NAT10: variants seen among roughly 807,000 people sequenced by gnomAD.
The protein encoded by NAT10 is RNA cytidine acetyltransferase.
A neutral mutation model predicts 132.2 loss-of-function variants in NAT10; 109 were observed. The ratio of observed to expected loss-of-function variants is 0.82; its 90% CI spans 0.71 to 0.97. The LOEUF is 0.97. Among genes scored for constraint, NAT10 ranks in the 50% least tolerant of loss-of-function variants. The pLI, the probability that NAT10 is intolerant of heterozygous loss-of-function variation, is 0.00. For synonymous variants in NAT10, 479 were observed against 478.0 expected, an observed-to-expected ratio of 1.00 and a Z score of -0.03; for missense variants, 1,184 against 1,263.4, an observed-to-expected ratio of 0.94 and a Z score of 0.95.
At chr11:34,110,763 C>G (rs1851681184) in intron 3 of NAT10, among the ~76,000 whole-genome samples, 2 of 151,854 alleles carry the variant, frequency 1.3e-5, no homozygotes, top group Admixed American at 6.6e-5. Flanking sequence ...TAAACTTGCC[C>G]CTGTCCTGTG....
intron 15 of NAT10, 117 bp from the exon 16 acceptor site, chr11:34,132,909 C>G (rs1021020202): frequency 7.7e-6 from 6 of 782,714 alleles, no homozygotes; most frequent in Admixed American, 5.4e-5. Flanking sequence ...GACTTCTGCT[C>G]CTCACTTGGC....
At chr11:34,121,858 C>CAAAAAAA (rs34304264) in intron 8 of NAT10, among the ~76,000 whole-genome samples, 1 of 36,828 alleles carries the variant, frequency 2.7e-5, no homozygotes, top group Non-Finnish European at 4.7e-5. Context: ...GACTCTGTCT[C>CAAAAAAA]AAAAAAAAAA....
chr11:34,135,313 T>C, intron 19 of NAT10, 22 bp downstream of exon 19: 1 of 1,590,692 alleles, frequency 6.3e-7, no homozygotes, highest in Non-Finnish European at 8.6e-7. Context: ...TCGACAGACC[T>C]CCTGTGTCCT....
At chr11:34,133,187 C>G in intron 16 of NAT10, 45 bp downstream of exon 16, 1 of 1,422,576 alleles carries the variant, frequency 7.0e-7, no homozygotes, top group Non-Finnish European at 9.9e-7. Flanking sequence ...TGGGGAACCA[C>G]TGAGGCATCA....
chr11:34,138,585 A>C (rs1263299552), intron 21 of NAT10, among the ~76,000 whole-genome samples: 2 of 151,850 alleles, frequency 1.3e-5, no homozygotes, highest in Non-Finnish European at 2.9e-5. Context: ...AGGAGAACGC[A>C]AGCTAGTGAG....
chr11:34,139,372 T>C lies in NAT10; in HGVS notation c.2309-13T>C, dbSNP rs1590781711. On this transcript the variant is annotated splice_polypyrimidine_tract_variant and intron_variant, in intron 22 of 28. Transcript: ENST00000257829. ...CCTCCAGACCTCTAACTCTGCGTGATGGCACCCCACAGATTTCCGACGGCG... is the reference window on the plus strand; with the variant it reads ...CCTCCAGACCTCTAACTCTGCGTGACGGCACCCCACAGATTTCCGACGGCG... 4 of 1,613,704 alleles carry C rather than the reference T, an allele frequency of 2.5e-6. No homozygotes were observed. Among genetic ancestry groups the C allele is most frequent in the African/African-American group, 2.7e-5 (2 of 75,050 alleles).
At chr11:34,111,223 G>A (rs1028024826) in intron 3 of NAT10, among the ~76,000 whole-genome samples, 1 of 152,216 alleles carries the variant, frequency 6.6e-6, no homozygotes, top group African/African-American at 2.4e-5. Context: ...GTCTGGCAGA[G>A]CATTGTGTTC....
intron 21 of NAT10, chr11:34,138,772 T>A: frequency 5.8e-6 from 1 of 172,634 alleles, no homozygotes; most frequent in Non-Finnish European, 1.3e-5. Flanking sequence ...AGCACTGAGG[T>A]GTAGGTTTTG....
chr11:34,113,585 C>T, intron 4 of NAT10, 131 bp from the exon 5 acceptor site: 1 of 1,163,934 alleles, frequency 8.6e-7, no homozygotes. Context: ...GGTGGTGAGC[C>T]AAGATTGCGC....
intron 11 of NAT10, among the ~76,000 whole-genome samples, chr11:34,125,856 C>T (rs568415275): frequency 2.6e-5 from 4 of 152,184 alleles, no homozygotes; most frequent in Admixed American, 6.5e-5. Flanking sequence ...CCCAGCTACT[C>T]GGGAGGCCGA....
intron 3 of NAT10, among the ~76,000 whole-genome samples, chr11:34,111,704 A>G (rs371855923): frequency 6.6e-6 from 1 of 152,234 alleles, no homozygotes; most frequent in East Asian, 1.9e-4. Context: ...GCATTGGCTT[A>G]TGACTGAGAT....
Position 34,141,748 on chromosome 11 carries a change from T to C in NAT10, c.2742T>C (p.Ile914=), listed in dbSNP as rs1565120317. 1.2e-6 allele frequency: 2 copies of C among 1,614,124 alleles called. No individual in the cohort carries two copies. Among genetic ancestry groups the C allele is most frequent in the South Asian group, 2.2e-5 (2 of 91,082 alleles). Residue 914 remains isoleucine (I), a synonymous_variant, in exon 26 of 29, where the codon ATT becomes ATC. Coordinates refer to ENST00000257829, the MANE Select transcript of NAT10 (RefSeq NM_024662.3). The part of the protein sequence containing the change: ...KLFNEVQEKA[I]EEQMVAAKDV... ...TTAATGAAGTTCAGGAAAAGGCCAT[T>C]GAGGAGCAGATGGTGGCAGCGAAGG...
chr11:34,141,072 G>A lies in NAT10; in HGVS notation c.2593-17G>A. 1 of 1,613,964 alleles carries A rather than the reference G, an allele frequency of 6.2e-7. No individual in the cohort carries two copies. On this transcript the variant is annotated splice_polypyrimidine_tract_variant and intron_variant, in intron 24 of 28. Coordinates refer to ENST00000257829, the MANE Select transcript of NAT10 (RefSeq NM_024662.3). The stretch of plus-strand genomic sequence containing the variant: ...GCGTGTCCTAGAGGCCCACCCAGCA[G>A]ATTTTCCATCCTTTAGGCTCTTCTC...
intron 12 of NAT10, among the ~76,000 whole-genome samples, chr11:34,129,017 A>G (rs1035753287): frequency 6.6e-6 from 1 of 152,248 alleles, no homozygotes; most frequent in African/African-American, 2.4e-5. Flanking sequence ...TTGTATAGAT[A>G]TACCACATTT....
rs1852435596 is a variant in NAT10 at position 34,146,124 on chromosome 11, CAG to C, written c.3013_3014del (p.Ser1005GlnfsTer31). The C allele has an allele frequency of 6.2e-6, 10 of 1,610,086 alleles. No homozygotes were observed. The highest frequency in any genetic ancestry group is 1.7e-5 in the Admixed American group (1 of 59,082). ...RKLEAKQEPK[Q>X]SKKLKNRETK... ...GTTAGAGGCCAAACAAGAACCCAAACAGAGCAAGAAGTTGAAGAACAGAGAGA... is the reference window on the plus strand; with the variant it reads ...GTTAGAGGCCAAACAAGAACCCAAACAGCAAGAAGTTGAAGAACAGAGAGA... On this transcript the variant is annotated frameshift_variant, in exon 29 of 29. Coordinates refer to ENST00000257829, the MANE Select transcript of NAT10 (RefSeq NM_024662.3). LOFTEE classifies it high-confidence loss of function.
chr11:34,135,319 G>C (rs1852189347), intron 19 of NAT10, 28 bp downstream of exon 19: 1 of 1,586,480 alleles, frequency 6.3e-7, no homozygotes, highest in Non-Finnish European at 8.7e-7. Context: ...GACCTCCTGT[G>C]TCCTGGTTCT....
chr11:34,136,781 T>G lies in NAT10; in HGVS notation c.2162+6T>G, dbSNP rs1234818346. ...TTGACCCCCAGGCTCCTCAAGTAAG[T>G]GCCTGCCCTCCTTCCACGGCATCAC... On this transcript the variant is annotated splice_donor_region_variant and intron_variant, in intron 20 of 28. Coordinates refer to ENST00000257829, the MANE Select transcript of NAT10 (RefSeq NM_024662.3). 6.2e-7 allele frequency: 1 copy of G among 1,614,022 alleles called. No homozygotes were observed. The highest frequency in any genetic ancestry group is 1.3e-5 in the African/African-American group (1 of 74,910).
chr11:34,122,435 C>T (rs1398949945), intron 8 of NAT10, 24 bp from the exon 9 acceptor site: 1 of 1,613,960 alleles, frequency 6.2e-7, no homozygotes, highest in Admixed American at 1.7e-5. Flanking sequence ...TTGGAGTTCA[C>T]CTAATATGTT....
chr11:34,123,454 C>T (rs901024140), intron 9 of NAT10, among the ~76,000 whole-genome samples: 1 of 152,250 alleles, frequency 6.6e-6, no homozygotes, highest in African/African-American at 2.4e-5. Flanking sequence ...AGCGTCAGCA[C>T]AGCTAGTGAT....
Sources: allele counts gnomAD v4.1 joint callset (sites outside exome capture counted in the v4.1 genomes callset), GRCh38; gene constraint gnomAD v4.1.1; transcripts MANE v1.5; gene names NCBI Gene and HGNC (gene_info 2026-07-23, HGNC 2026-07-21).